Variants in CDKL1 observed in about 807,000 individuals in gnomAD.
The protein encoded by CDKL1 is cyclin dependent kinase like 1.
In CDKL1, 41 loss-of-function variants were observed where a neutral mutation model predicts 42.0. That is an observed-to-expected ratio of 0.98 (90% confidence interval 0.76 to 1.27). CDKL1 has a LOEUF of 1.27. Ranked by LOEUF, CDKL1 falls within the 50% of genes most tolerant of loss-of-function variation. The probability of loss-of-function intolerance (pLI) is 0.00; values close to 1 mark genes in which losing one functional copy is unlikely to be tolerated. For missense variants in CDKL1, 394 were observed against 428.4 expected (o/e 0.92, Z 0.71); for synonymous variants, 153 against 158.6 (o/e 0.96, Z 0.26).
intron 1 of CDKL1, 36 bp from the exon 2 acceptor site, chr14:50,396,365 T>G (rs1332314216): frequency 1.0e-6 from 1 of 985,392 alleles, no homozygotes; most frequent in Admixed American, 6.2e-5. Context: ...GAATGAAGAG[T>G]GTACCCGTGT....
At chr14:50,385,387 G>A (rs1221666387) in intron 2 of CDKL1, among the ~76,000 whole-genome samples, 1 of 152,206 alleles carries the variant, frequency 6.6e-6, no homozygotes. Context: ...CAGCCAGTTA[G>A]TCTAAGTCGA....
chr14:50,332,120 G>T, intron 9 of CDKL1, 142 bp downstream of exon 9: 2 of 1,605,818 alleles, frequency 1.2e-6, no homozygotes, highest in Non-Finnish European at 1.7e-6. Flanking sequence ...ATGTCCCTGG[G>T]GCCCTGGTTG....
chr14:50,380,493 G>T (rs1386358284), intron 2 of CDKL1, among the ~76,000 whole-genome samples: 4 of 152,238 alleles, frequency 2.6e-5, no homozygotes, highest in African/African-American at 9.6e-5. Context: ...ATCAAAAGCA[G>T]TTCACCTTGT....
At chr14:50,334,174 T>G (rs1361909585) in intron 8 of CDKL1, 2 of 159,002 alleles carry the variant, frequency 1.3e-5, no homozygotes, top group African/African-American at 4.8e-5. Context: ...TTTTTTTTTT[T>G]GAGACGGAGT....
At chr14:50,334,760 A>G in intron 7 of CDKL1, 139 bp from the exon 8 acceptor site, 1 of 636,362 alleles carries the variant, frequency 1.6e-6, no homozygotes, top group Non-Finnish European at 2.8e-6. Flanking sequence ...CTCCTGCCCA[A>G]AACAGTCTCC....
rs988913837 is a variant in CDKL1, at chr14:50,329,129, AC to A, written c.*944del. 2.0e-5 allele frequency: 3 copies of A among 151,880 alleles called. No homozygotes were observed. Among genetic ancestry groups the A allele is most frequent in the Non-Finnish European group, 2.9e-5 (2 of 67,974 alleles). The allele number at this position is 151,880 out of a possible 1,614,324, so 9.4% of individuals were successfully genotyped here. A position where few individuals can be genotyped will look rare whatever the true frequency, so the allele number is the denominator to read the frequency against. On this transcript the variant is annotated 3_prime_UTR_variant, in exon 10 of 10. Coordinates refer to ENST00000395834, the MANE Select transcript of CDKL1 (RefSeq NM_004196.7). ...GTTTCAGGGAAAACATCAGTTTACA[AC>A]ATAATGTCTTTCATGACTCAAGTAA...
intron 2 of CDKL1, among the ~76,000 whole-genome samples, chr14:50,369,412 T>A (rs879808203): frequency 1.1e-4 from 17 of 152,122 alleles, no homozygotes; most frequent in Non-Finnish European, 2.4e-4. Context: ...TTATTGACTT[T>A]CTTATACTAG....
chr14:50,339,956 A>G (rs189335694), intron 6 of CDKL1, among the ~76,000 whole-genome samples: 1 of 152,208 alleles, frequency 6.6e-6, no homozygotes, highest in African/African-American at 2.4e-5. Context: ...TTTACCTCTC[A>G]CTCAAATGCA....
intron 3 of CDKL1, among the ~76,000 whole-genome samples, chr14:50,354,409 T>C (rs1346757045): frequency 1.3e-5 from 2 of 152,218 alleles, no homozygotes; most frequent in South Asian, 2.1e-4. Flanking sequence ...TTGAACAAAC[T>C]ATGTTATTCA....
intron 2 of CDKL1, among the ~76,000 whole-genome samples, chr14:50,369,140 T>C (rs1179702308): frequency 2.0e-5 from 3 of 152,116 alleles, no homozygotes; most frequent in African/African-American, 4.8e-5. Context: ...GTGCTGAGAT[T>C]ATAGGTGTGA....
intron 7 of CDKL1, among the ~76,000 whole-genome samples, chr14:50,337,739 G>C (rs959587748): frequency 8.2e-5 from 12 of 146,502 alleles, no homozygotes. Context: ...AGGCTAGAGT[G>C]CAGCGATCTC....
At position 50,329,012 on chromosome 14, in the gene CDKL1, G is replaced by A. The variant is rs1373888904; in HGVS notation, c.*1062C>T. The A allele has an allele frequency of 6.9e-6, 1 of 145,280 alleles. No homozygotes were observed. Among genetic ancestry groups the A allele is most frequent in the East Asian group, 2.0e-4 (1 of 5,060 alleles). The allele number at this position is 145,280 out of a possible 1,614,324, so 9.0% of individuals were successfully genotyped here. On this transcript the variant is annotated 3_prime_UTR_variant, in exon 10 of 10. Transcript: ENST00000395834. ...TCCTCAATACTTTGGACTACTTAGT[G>A]TAATATATTAGTTGTTAGAATAGCA...
chr14:50,358,636 C>CATTTTTTT (rs2034134220), intron 3 of CDKL1, among the ~76,000 whole-genome samples: 1 of 67,646 alleles, frequency 1.5e-5, no homozygotes, highest in Non-Finnish European at 2.8e-5. Flanking sequence ...TTTAACTAGT[C>CATTTTTTT]TTTTTTTTTT....
At chr14:50,357,961 C>T (rs972775431) in intron 3 of CDKL1, 11 of 890,880 alleles carry the variant, frequency 1.2e-5, no homozygotes, top group African/African-American at 1.7e-5. Flanking sequence ...CCACTACCTA[C>T]GTTGCCCTGC....
At chr14:50,366,205 A>G (rs1733536732) in intron 2 of CDKL1, among the ~76,000 whole-genome samples, 1 of 152,258 alleles carries the variant, frequency 6.6e-6, no homozygotes, top group African/African-American at 2.4e-5. Flanking sequence ...CATTAAACAA[A>G]GAAGTGCCAA....
At chr14:50,388,242 A>C (rs2035145762) in intron 2 of CDKL1, among the ~76,000 whole-genome samples, 1 of 152,240 alleles carries the variant, frequency 6.6e-6, no homozygotes. Context: ...GAAGAGCAGA[A>C]GCCCTTCCAA....
chr14:50,395,073 T>C (rs948777768), intron 2 of CDKL1, among the ~76,000 whole-genome samples: 2 of 152,210 alleles, frequency 1.3e-5, no homozygotes, highest in Non-Finnish European at 2.9e-5. Context: ...TAAATACATA[T>C]GAGGTGTAAT....
intron 2 of CDKL1, among the ~76,000 whole-genome samples, chr14:50,384,146 A>G (rs1169486338): frequency 6.6e-6 from 1 of 152,204 alleles, no homozygotes; most frequent in Non-Finnish European, 1.5e-5. Context: ...CTCCTATGCT[A>G]CTGACAACCA....
At chr14:50,355,819 A>G (rs2034038336) in intron 3 of CDKL1, among the ~76,000 whole-genome samples, 1 of 152,184 alleles carries the variant, frequency 6.6e-6, no homozygotes, top group African/African-American at 2.4e-5. Flanking sequence ...AAGTAAGGAA[A>G]CCCACGTTTG....
Sources: allele counts gnomAD v4.1 joint callset (sites outside exome capture counted in the v4.1 genomes callset), GRCh38; gene constraint gnomAD v4.1.1; transcripts MANE v1.5; gene names NCBI Gene and HGNC (gene_info 2026-07-23, HGNC 2026-07-21).